The following WASHC4 variants were observed in gnomAD, a reference collection of about 807,000 sequenced individuals.
The protein encoded by WASHC4 is WASH complex subunit 4, also known as WASH complex subunit 7.
WASHC4 carries 86 observed loss-of-function variants against 166.6 expected under a neutral mutation model. That is an observed-to-expected ratio of 0.52 (90% CI 0.43 to 0.62). The LOEUF (loss-of-function observed/expected upper bound fraction) is 0.62. Ranked by LOEUF, WASHC4 falls within the 20% of genes least tolerant of loss-of-function variation. The pLI is 0.00. For missense variants in WASHC4, 1,262 were observed against 1,382.4 expected (o/e 0.91, Z 1.38); for synonymous variants, 446 against 451.6 (o/e 0.99, Z 0.16).
At chr12:105,165,462 T>C (rs1884754479) in intron 32 of WASHC4, among the ~76,000 whole-genome samples, 2 of 152,228 alleles carry the variant, frequency 1.3e-5, no homozygotes, top group South Asian at 4.1e-4. Context: ...GGATATTATA[T>C]AGCATACATT....
At chr12:105,153,819 G>C (rs1883949787) in intron 26 of WASHC4, among the ~76,000 whole-genome samples, 1 of 151,834 alleles carries the variant, frequency 6.6e-6, no homozygotes, top group Non-Finnish European at 1.5e-5. Context: ...TTTTTTGAGA[G>C]TATAATTTTT....
intron 25 of WASHC4, among the ~76,000 whole-genome samples, chr12:105,150,310 T>C (rs1049976360): frequency 3.9e-5 from 6 of 152,222 alleles, no homozygotes; most frequent in African/African-American, 1.4e-4. Flanking sequence ...TTTTTCATTC[T>C]TACAAACAGT....
chr12:105,157,302 A>G lies in WASHC4; in HGVS notation c.2892A>G (p.Glu964=). 6.4e-7 allele frequency: 1 copy of G among 1,552,654 alleles called. No individual in the cohort carries two copies. The highest frequency in any genetic ancestry group is 8.9e-7 in the Non-Finnish European group (1 of 1,128,732). Reference sequence around the variant, plus strand: ...TAGTAAAAGAAGAAGGTCTTGCAGAAGAAACATTAAAAGCAGCAAGGTAAT... The same window carrying G: ...TAGTAAAAGAAGAAGGTCTTGCAGAGGAAACATTAAAAGCAGCAAGGTAAT... ...EELVKEEGLA[E]ETLKAARHLD... is the part of the protein sequence containing the mutation. The change falls in exon 28 of 33, where the codon GAA becomes GAG. Residue 964 remains glutamate (E), a synonymous_variant. Transcript: ENST00000332180.
rs193099150 is a variant in WASHC4, at chr12:105,142,590, A to G, written c.1893+32A>G. On this transcript the variant is annotated intron_variant, in intron 19 of 32. Transcript: ENST00000332180. ...AAAGAACAATATAAAGAATAATTCTATCATTTTAAAAGTCACTGTGTAAAC... is the reference window on the plus strand; with the variant it reads ...AAAGAACAATATAAAGAATAATTCTGTCATTTTAAAAGTCACTGTGTAAAC... 789 of 1,213,778 alleles carry G rather than the reference A, an allele frequency of 6.5e-4. 1 individual carries two copies. Among genetic ancestry groups the G allele is most frequent in the Non-Finnish European group, 7.8e-4 (642 of 823,780 alleles). The allele number at this position is 1,213,778 out of a possible 1,614,324, so 75.2% of individuals were successfully genotyped here.
At chr12:105,160,596 C>T (rs1884436783) in intron 29 of WASHC4, among the ~76,000 whole-genome samples, 1 of 152,206 alleles carries the variant, frequency 6.6e-6, no homozygotes, top group South Asian at 2.1e-4. Flanking sequence ...AAGCAGTCCT[C>T]TTGCCTTGGC....
At chr12:105,124,104 T>C (rs1881043829) in intron 10 of WASHC4, among the ~76,000 whole-genome samples, 1 of 151,992 alleles carries the variant, frequency 6.6e-6, no homozygotes, top group African/African-American at 2.4e-5. Flanking sequence ...TACTATAGTA[T>C]AGTGTAAATA....
chr12:105,126,335 TAA>T lies in WASHC4; in HGVS notation c.1012_1013del (p.Lys338ValfsTer7), dbSNP rs1881279420. 3 of 1,590,596 alleles carry T rather than the reference TAA, an allele frequency of 1.9e-6. No individual in the cohort carries two copies. The highest frequency in any genetic ancestry group is 2.6e-6 in the Non-Finnish European group (3 of 1,160,026). On this transcript the variant is annotated frameshift_variant, in exon 12 of 33. Coordinates refer to ENST00000332180, the MANE Select transcript of WASHC4 (RefSeq NM_015275.3). LOFTEE classifies it high-confidence loss of function. ...TTCGAACTATTGATAAAAAGTTTTA[TAA>T]GTCTTTATTGGACATTTGTAAGAAG... ...IFRTIDKKFY[K>X]SLLDICKKVP...
At chr12:105,159,895 G>T in intron 28 of WASHC4, 106 bp from the exon 29 acceptor site, 1 of 1,015,740 alleles carries the variant, frequency 9.8e-7, no homozygotes, top group South Asian at 1.3e-5. Flanking sequence ...GTGTCTTACA[G>T]TGTTTCCTGC....
intron 13 of WASHC4, among the ~76,000 whole-genome samples, chr12:105,128,811 C>T (rs1881526333): frequency 6.6e-6 from 1 of 151,694 alleles, no homozygotes; most frequent in Admixed American, 6.6e-5. Context: ...CCGAGTCTCG[C>T]TCTGTTGCCC....
chr12:105,137,805 A>C, intron 14 of WASHC4, 81 bp from the exon 15 acceptor site: 1 of 1,192,470 alleles, frequency 8.4e-7, no homozygotes, highest in Non-Finnish European at 1.2e-6. Flanking sequence ...TGGTAAGTTG[A>C]GGAATAGCTG....
intron 1 of WASHC4, among the ~76,000 whole-genome samples, chr12:105,109,137 T>A (rs374900337): frequency 6.6e-6 from 1 of 152,212 alleles, no homozygotes; most frequent in African/African-American, 2.4e-5. Context: ...TTAGCTCTTA[T>A]GCAGCATAAA....
At chr12:105,129,160 G>T (rs1384830727) in intron 13 of WASHC4, among the ~76,000 whole-genome samples, 2 of 152,102 alleles carry the variant, frequency 1.3e-5, no homozygotes, top group Non-Finnish European at 2.9e-5. Context: ...CAGTCAGGCT[G>T]GTCTCGAACT....
intron 23 of WASHC4, 70 bp from the exon 24 acceptor site, chr12:105,146,972 T>C (rs1883347159): frequency 1.2e-6 from 1 of 850,058 alleles, no homozygotes; most frequent in Admixed American, 1.7e-5. Flanking sequence ...AAAATTTTCT[T>C]TGGATACCTG....
In WASHC4 at chr12:105,162,796, TA is replaced by T; in HGVS notation, c.3116del (p.Asn1039IlefsTer20). 9 of 1,603,526 alleles carry T rather than the reference TA, an allele frequency of 5.6e-6. No homozygotes were observed. Among genetic ancestry groups the T allele is most frequent in the South Asian group, 1.1e-5 (1 of 90,542 alleles). The part of the protein sequence containing the change: ...HSISCKEKLN[K>X]KNKIGAAFTD... ...CCATTAGTTGCAAGGAAAAATTAAA[TA>T]AAAAAAATAAAATTGGAGCTGCCTT... is the stretch of plus-strand genomic sequence containing the variant. On this transcript the variant is annotated frameshift_variant, in exon 30 of 33. Transcript: ENST00000332180. LOFTEE classifies it high-confidence loss of function.
chr12:105,111,172 G>A lies in WASHC4; in HGVS notation c.109G>A (p.Glu37Lys). ...TAAGAATTATGGGAAATTTCTTGAG[G>A]AGTATACCTCTCAACTGAGAAGAAT... The part of the protein sequence containing the change: ...QLKNYGKFLE[E>K]YTSQLRRIED... The change falls in exon 2 of 33, where the codon GAG becomes AAG. Residue 37 changes from glutamate to lysine, a missense_variant. Physicochemically the swap from Glu to Lys is moderately conservative, Grantham distance 56. Coordinates refer to ENST00000332180, the MANE Select transcript of WASHC4 (RefSeq NM_015275.3). 1.2e-6 allele frequency: 2 copies of A among 1,605,762 alleles called. No individual in the cohort carries two copies. The highest frequency in any genetic ancestry group is 1.1e-5 in the South Asian group (1 of 90,918).
Position 105,114,229 on chromosome 12 carries a change from A to G in WASHC4, c.215A>G (p.Glu72Gly). ...DPIALKLLPY[E>G]QSSLLELIKT... ...TTGTTTCTGTAGCTTTTGCCTTATG[A>G]ACAGTCCTCTCTTTTGGAACTCATA... The change falls in exon 3 of 33, where the codon GAA becomes GGA. Residue 72 changes from glutamate to glycine, a missense_variant. Physicochemically the swap from Glu to Gly is moderately conservative, Grantham distance 98 (BLOSUM62 -2). Transcript: ENST00000332180. The G allele has an allele frequency of 6.2e-7, 1 of 1,610,322 alleles. No homozygotes were observed. Among genetic ancestry groups the G allele is most frequent in the Non-Finnish European group, 8.5e-7 (1 of 1,177,674 alleles).
At chr12:105,133,384 A>C (rs1882035201) in intron 13 of WASHC4, among the ~76,000 whole-genome samples, 1 of 152,194 alleles carries the variant, frequency 6.6e-6, no homozygotes, top group South Asian at 2.1e-4. Flanking sequence ...CATGCTATAT[A>C]AAATTGTACC....
At chr12:105,146,910 G>C (rs188997983) in intron 23 of WASHC4, 132 bp from the exon 24 acceptor site, 24 of 705,952 alleles carry the variant, frequency 3.4e-5, no homozygotes, top group Non-Finnish European at 6.3e-5. Flanking sequence ...ATACTCACCT[G>C]TACTGTCTTG....
chr12:105,132,423 C>T (rs10861355), intron 13 of WASHC4, among the ~76,000 whole-genome samples: 14,784 of 152,246 alleles, frequency 0.097, 786 homozygotes, highest in East Asian at 0.22. Flanking sequence ...CTGCCTGCCT[C>T]GGCCTCCCGA....
Sources: gnomAD v4.1 joint callset for allele counts (sites outside exome capture counted in the v4.1 genomes callset) on GRCh38, gnomAD v4.1.1 for gene constraint, MANE v1.5 for transcripts, NCBI Gene and HGNC (gene_info 2026-07-23, HGNC 2026-07-21) for gene names.